The following LIFR variants were observed in gnomAD, a reference collection of about 807,000 sequenced individuals.
The protein encoded by LIFR is LIF receptor subunit alpha.
In LIFR, 84 loss-of-function variants were observed where a neutral mutation model predicts 122.2. The observed-to-expected ratio is 0.69, with a 90% CI of 0.58 to 0.82. The LOEUF (loss-of-function observed/expected upper bound fraction) is 0.82, where lower values mean the gene tolerates loss of function less well. Ranked by LOEUF, LIFR falls within the 40% of genes least tolerant of loss-of-function variation. The probability of loss-of-function intolerance (pLI) is 0.00; values close to 1 mark genes in which losing one functional copy is unlikely to be tolerated. For missense variants in LIFR, 1,294 were observed against 1,311.6 expected (o/e 0.99, Z 0.21); for synonymous variants, 422 against 434.7 (o/e 0.97, Z 0.36).
intron 5 of LIFR, 29 bp from the exon 6 acceptor site, chr5:38,511,993 A>G: frequency 3.7e-6 from 6 of 1,608,346 alleles, no homozygotes; most frequent in Non-Finnish European, 5.1e-6. Context: ...ACAAAACTGT[A>G]TTTCCAAGTA....
intron 1 of LIFR, among the ~76,000 whole-genome samples, chr5:38,587,321 A>G (rs924557316): frequency 3.3e-5 from 5 of 152,110 alleles, no homozygotes; most frequent in African/African-American, 9.7e-5. Context: ...CCTCACGGAT[A>G]AAAAAGATGT....
At chr5:38,498,188 G>C (rs750087408) in intron 12 of LIFR, among the ~76,000 whole-genome samples, 1 of 152,302 alleles carries the variant, frequency 6.6e-6, no homozygotes, top group South Asian at 2.1e-4. Flanking sequence ...GCAGGCTTTA[G>C]TCCTAAGACT....
intron 13 of LIFR, among the ~76,000 whole-genome samples, chr5:38,494,445 CCAAGGGGCAAGGGG>C (rs36222538): frequency 5.8e-4 from 88 of 150,878 alleles, no homozygotes; most frequent in Non-Finnish European, 1.1e-3. Flanking sequence ...CTAGGAGACA[CCAAGGGGCAAGGGG>C]CAAGGGGCAA....
At chr5:38,554,706 T>C (rs1262119567) in intron 1 of LIFR, among the ~76,000 whole-genome samples, 1 of 152,218 alleles carries the variant, frequency 6.6e-6, no homozygotes, top group Non-Finnish European at 1.5e-5. Context: ...GCATAGGCTA[T>C]GTCTGGAAAG....
rs752040002 is a variant in LIFR, at chr5:38,476,605, TATCA to T, written c.*4986_*4989del. On this transcript the variant is annotated 3_prime_UTR_variant, in exon 20 of 20. Coordinates refer to ENST00000453190, the MANE Select transcript of LIFR (RefSeq NM_001127671.2). ...TAAATATAATATAAATCAACTTTCT[TATCA>T]ATTAGACATTTTCCCCACTCACATC... 165 of 205,588 alleles carry T rather than the reference TATCA, an allele frequency of 8.0e-4. 1 individual carries two copies. Among genetic ancestry groups the T allele is most frequent in the Non-Finnish European group, 1.3e-3 (127 of 100,458 alleles). The allele number at this position is 205,588 out of a possible 1,614,324, so 12.7% of individuals were successfully genotyped here.
Position 38,502,699 on chromosome 5 carries a change from G to A in LIFR, c.1538C>T (p.Thr513Ile), listed in dbSNP as rs1242921655. 11 of 1,613,084 alleles carry A rather than the reference G, an allele frequency of 6.8e-6. No individual in the cohort carries two copies. In the East Asian group the frequency reaches 2.5e-4, roughly 36 times the overall value. The part of the protein sequence containing the change: ...TLYTFRIRCS[T>I]ETFWKWSKWS... ...TTTGCTCCATTTCCAGAAAGTTTCA[G>A]TAGAACAACGAATCCGAAAAGTATA... The change falls in exon 11 of 20, where the codon ACT (threonine) becomes ATT (isoleucine). Residue 513 changes from threonine (T) to isoleucine (I), a missense_variant. Thr to Ile is a moderately conservative substitution (Grantham distance 89). Transcript: ENST00000453190.
chr5:38,496,441 G>T lies in LIFR; in HGVS notation c.1826C>A (p.Ala609Asp), dbSNP rs1422689555. The change falls in exon 13 of 20, where the codon GCT becomes GAT. Residue 609 changes from alanine to aspartate, a missense_variant. Transcript: ENST00000453190. ...DKNDYIISVV[A>D]KNSVGSSPPS... ...TGGTGATGAGCCCACAGAATTTTTA[G>T]CCACTACGCTGATGATGTAGTCATT... is the stretch of plus-strand genomic sequence containing the variant. The T allele has an allele frequency of 1.5e-5, 24 of 1,613,994 alleles. No homozygotes were observed. The highest frequency in any genetic ancestry group is 1.9e-5 in the Non-Finnish European group (23 of 1,179,976).
intron 1 of LIFR, among the ~76,000 whole-genome samples, chr5:38,547,562 G>T (rs1044830825): frequency 1.3e-5 from 2 of 151,768 alleles, no homozygotes; most frequent in African/African-American, 4.9e-5. Context: ...TATCTTTCAC[G>T]ACTACTGAGG....
chr5:38,514,799 T>C (rs559703107), intron 5 of LIFR, among the ~76,000 whole-genome samples: 2 of 152,304 alleles, frequency 1.3e-5, no homozygotes, highest in South Asian at 4.1e-4. Flanking sequence ...CAATACAGTA[T>C]AACTACTATT....
At chr5:38,539,520 C>T (rs759382187) in intron 1 of LIFR, among the ~76,000 whole-genome samples, 2 of 152,224 alleles carry the variant, frequency 1.3e-5, no homozygotes, top group Non-Finnish European at 2.9e-5. Flanking sequence ...ATAGAGTCCT[C>T]GGTGAGGACT....
chr5:38,560,012 TACTC>T (rs1460557916), upstream of LIFR, among the ~76,000 whole-genome samples: 3 of 152,340 alleles, frequency 2.0e-5, no homozygotes, highest in South Asian at 2.1e-4. Context: ...ACAGATCAAT[TACTC>T]ACAGAAACAG....
chr5:38,605,354 A>G (rs1214030836), intron 2 of LIFR, among the ~76,000 whole-genome samples: 1 of 152,098 alleles, frequency 6.6e-6, no homozygotes, highest in Non-Finnish European at 1.5e-5. Context: ...TCCTTGCTTC[A>G]CTACTTGCTC....
upstream of LIFR, chr5:38,557,308 G>C (rs891601979): frequency 1.3e-5 from 2 of 152,302 alleles, no homozygotes; most frequent in African/African-American, 4.8e-5. Flanking sequence ...ATCTCTTAAT[G>C]GGGTGAGATT....
intron 9 of LIFR, among the ~76,000 whole-genome samples, 162 bp from the exon 10 acceptor site, chr5:38,504,283 A>G (rs972578124): frequency 9.9e-5 from 15 of 152,130 alleles, no homozygotes; most frequent in African/African-American, 3.4e-4. Context: ...AATTTCTACT[A>G]CTGACATCTT....
At chr5:38,606,634 A>G (rs902644613) in intron 1 of LIFR, among the ~76,000 whole-genome samples, 2 of 152,190 alleles carry the variant, frequency 1.3e-5, no homozygotes, top group Non-Finnish European at 2.9e-5. Flanking sequence ...CTAAACATTA[A>G]CTAGAAGGTG....
upstream of LIFR, among the ~76,000 whole-genome samples, chr5:38,598,718 A>C (rs938174529): frequency 5.9e-5 from 9 of 151,612 alleles, no homozygotes; most frequent in Non-Finnish European, 1.3e-4. Context: ...CTTCCTCAAC[A>C]CTGGGCTGCT....
chr5:38,544,623 T>G (rs1747774360), intron 1 of LIFR, among the ~76,000 whole-genome samples: 1 of 152,198 alleles, frequency 6.6e-6, no homozygotes, highest in African/African-American at 2.4e-5. Context: ...CTCTTCCTTG[T>G]GGTATCCTAT....
intron 1 of LIFR, among the ~76,000 whole-genome samples, chr5:38,594,642 GA>G (rs1750038933): frequency 6.6e-6 from 1 of 151,996 alleles, no homozygotes; most frequent in Non-Finnish European, 1.5e-5. Context: ...GTCTAGTAAT[GA>G]AAAATAAAAA....
intron 12 of LIFR, 23 bp downstream of exon 12, chr5:38,499,490 T>C (rs745856230): frequency 6.8e-7 from 1 of 1,477,984 alleles, no homozygotes; most frequent in South Asian, 1.1e-5. Context: ...ATGTAAATGT[T>C]CACAGAAAAA....
Sources: allele counts gnomAD v4.1 joint callset (sites outside exome capture counted in the v4.1 genomes callset), GRCh38; gene constraint gnomAD v4.1.1; transcripts MANE v1.5; gene names NCBI Gene and HGNC (gene_info 2026-07-23, HGNC 2026-07-21).